Variants in DOCK8 observed in about 807,000 individuals in gnomAD.
The protein encoded by DOCK8 is dedicator of cytokinesis protein 8.
DOCK8 carries 141 observed loss-of-function variants against 245.6 expected under a neutral mutation model. The ratio of observed to expected loss-of-function variants is 0.57; its 90% CI spans 0.50 to 0.66. DOCK8 has a LOEUF of 0.66. Ranked by LOEUF, DOCK8 falls within the 30% of genes least tolerant of loss-of-function variation. The probability of loss-of-function intolerance (pLI) is 0.00; values close to 1 mark genes in which losing one functional copy is unlikely to be tolerated. For synonymous variants in DOCK8, 1,168 were observed against 970.2 expected (o/e 1.20, Z -3.79); for missense variants, 2,965 against 2,603.4 (o/e 1.14, Z -3.02).
intron 14 of DOCK8, among the ~76,000 whole-genome samples, chr9:349,798 T>C (rs1248496173): frequency 2.6e-5 from 4 of 152,188 alleles, no homozygotes. Context: ...ATGTACACAA[T>C]AGTCTCTGAA....
intron 1 of DOCK8, among the ~76,000 whole-genome samples, chr9:231,545 C>T (rs2047118095): frequency 6.6e-6 from 1 of 152,060 alleles, no homozygotes; most frequent in Non-Finnish European, 1.5e-5. Context: ...ATGGAATGTT[C>T]TTCCATTTGT....
intron 27 of DOCK8, 32 bp downstream of exon 27, chr9:405,105 AT>A: frequency 6.3e-7 from 1 of 1,589,282 alleles, no homozygotes; most frequent in Non-Finnish European, 8.6e-7. Flanking sequence ...TAAAAGAATT[AT>A]TCAAGCTATT....
intron 26 of DOCK8, among the ~76,000 whole-genome samples, chr9:399,648 C>G (rs1000506922): frequency 1.3e-5 from 2 of 152,000 alleles, no homozygotes; most frequent in African/African-American, 4.8e-5. Flanking sequence ...AATTAAATTG[C>G]TGTTGTGATG....
At chr9:249,731 C>T (rs1587662279) in intron 1 of DOCK8, among the ~76,000 whole-genome samples, 1 of 152,184 alleles carries the variant, frequency 6.6e-6, no homozygotes, top group East Asian at 1.9e-4. Context: ...GATTCTCCTG[C>T]CTCAGCCTGC....
At chr9:275,862 T>C (rs2048326271) in intron 2 of DOCK8, among the ~76,000 whole-genome samples, 2 of 150,170 alleles carry the variant, frequency 1.3e-5, no homozygotes, top group Admixed American at 1.3e-4. Context: ...GTGCTGGGAT[T>C]ACAGGCATGA....
chr9:386,475 A>T (rs1274874270), intron 23 of DOCK8, 49 bp downstream of exon 23: 1 of 1,525,416 alleles, frequency 6.6e-7, no homozygotes, highest in Non-Finnish European at 9.1e-7. Context: ...GAACAGAAGG[A>T]TTTCCTCATG....
intron 4 of DOCK8, among the ~76,000 whole-genome samples, chr9:291,306 C>T (rs1396020170): frequency 1.4e-5 from 2 of 147,204 alleles, no homozygotes; most frequent in Non-Finnish European, 2.9e-5. Context: ...AAAAAAATGA[C>T]TCTTTTTGGA....
intron 46 of DOCK8, among the ~76,000 whole-genome samples, chr9:458,776 C>T (rs764504923): frequency 6.6e-6 from 1 of 152,122 alleles, no homozygotes; most frequent in Non-Finnish European, 1.5e-5. Context: ...ATGCCACTGC[C>T]TTCCACCCTG....
chr9:276,129 G>A (rs930096944), intron 2 of DOCK8, among the ~76,000 whole-genome samples: 3 of 152,026 alleles, frequency 2.0e-5, no homozygotes, highest in South Asian at 2.1e-4. Flanking sequence ...GACCTCAGGT[G>A]ATCCGCCCGC....
Position 396,922 on chromosome 9 carries a change from A to G in DOCK8, c.3108A>G (p.Val1036=). The change falls in exon 25 of 48, where the codon GTA becomes GTG. Residue 1036 remains valine, a synonymous_variant. Coordinates refer to ENST00000432829, the MANE Select transcript of DOCK8 (RefSeq NM_203447.4). ...CCTCGGAAATTGCAGCCCTTTTAGTAAAACCACAGAAGGTAACTGTATTTT... is the reference window on the plus strand; with the variant it reads ...CCTCGGAAATTGCAGCCCTTTTAGTGAAACCACAGAAGGTAACTGTATTTT... ...VVTSEIAALL[V]KPQKENEQAE... The G allele has an allele frequency of 1.9e-6, 3 of 1,613,990 alleles. No individual in the cohort carries two copies.
intron 25 of DOCK8, among the ~76,000 whole-genome samples, 192 bp from the exon 26 acceptor site, chr9:398,954 C>A (rs114731187): frequency 6.6e-6 from 1 of 152,020 alleles, no homozygotes; most frequent in Non-Finnish European, 1.5e-5. Context: ...TAACAGTGCA[C>A]GAATAATTAC....
At chr9:400,226 C>T (rs1400757002) in intron 26 of DOCK8, among the ~76,000 whole-genome samples, 4 of 104,962 alleles carry the variant, frequency 3.8e-5, no homozygotes, top group Admixed American at 9.3e-5. Context: ...ATCACCACCA[C>T]CTCCACCATC....
Position 267,533 on chromosome 9 carries a change from T to TA in DOCK8, c.54-4093dup, listed in dbSNP as rs552293202. Among the ~76,000 whole-genome samples, 26 of 152,316 alleles carry TA rather than the reference T, an allele frequency of 1.7e-4. 1 individual carries two copies. In the South Asian group the frequency reaches 2.7e-3, roughly 16 times the overall value. On this transcript the variant is annotated intron_variant, in intron 1 of 47. Transcript: ENST00000432829. ...ATGGATTTTTTTAAAATTATGAACT[T>TA]ACATAACTTCACAGGAGACAGACCT...
Position 426,919 on chromosome 9 carries a change from A to C in DOCK8, c.4276A>C (p.Ser1426Arg). ...KAELDQEALI[S>R]GNLATEAHLI... is the part of the protein sequence containing the mutation. ...CGAGTTAGATCAAGAAGCCTTGATCAGTGGCAATCTGGCTACAGAAGCACA... is the reference window on the plus strand; with the variant it reads ...CGAGTTAGATCAAGAAGCCTTGATCCGTGGCAATCTGGCTACAGAAGCACA... Residue 1426 changes from serine (S) to arginine (R), a missense_variant, in exon 34 of 48, where the codon AGT becomes CGT. Ser to Arg is a moderately radical substitution (Grantham distance 110). Coordinates refer to ENST00000432829, the MANE Select transcript of DOCK8 (RefSeq NM_203447.4). 6.2e-7 allele frequency: 1 copy of C among 1,614,202 alleles called. No homozygotes were observed. Among genetic ancestry groups the C allele is most frequent in the South Asian group, 1.1e-5 (1 of 91,090 alleles).
intron 39 of DOCK8, among the ~76,000 whole-genome samples, chr9:436,183 C>T (rs546333130): frequency 6.6e-6 from 1 of 152,212 alleles, no homozygotes; most frequent in African/African-American, 2.4e-5. Flanking sequence ...AATAACTCCT[C>T]CTTTCTTATG....
chr9:368,001 T>C lies in DOCK8; in HGVS notation c.1680-17T>C, dbSNP rs1320654464. 1 of 1,585,914 alleles carries C rather than the reference T, an allele frequency of 6.3e-7. No individual in the cohort carries two copies. The highest frequency in any genetic ancestry group is 2.2e-5 in the East Asian group (1 of 44,748). On this transcript the variant is annotated splice_polypyrimidine_tract_variant and intron_variant, in intron 14 of 47. Transcript: ENST00000432829. ...CTCTAGACCTTTTTCATTGATTCTT[T>C]ATCTCTTCTTTTCCAGAAACCTTCT...
chr9:404,977 A>G lies in DOCK8; in HGVS notation c.3294A>G (p.Arg1098=). ...TLISMRLEFL[R]ILCSHEHYLN... ...TTTCCATGAGGCTAGAGTTCCTGAG[A>G]ATCCTCTGTAGCCATGAGCATTACC... Residue 1098 remains arginine (R), a synonymous_variant, in exon 27 of 48, where the codon AGA becomes AGG. Transcript: ENST00000432829. 1 of 1,614,092 alleles carries G rather than the reference A, an allele frequency of 6.2e-7. No individual in the cohort carries two copies. The highest frequency in any genetic ancestry group is 8.5e-7 in the Non-Finnish European group (1 of 1,179,994).
chr9:338,160 GAAA>G (rs58900019), intron 12 of DOCK8, among the ~76,000 whole-genome samples: 2 of 141,216 alleles, frequency 1.4e-5, no homozygotes, highest in Non-Finnish European at 3.1e-5. Flanking sequence ...TCTCAGAAAA[GAAA>G]AAAAAAAAGA....
At chr9:273,033 G>A (rs2048207533) in intron 2 of DOCK8, 1 of 985,150 alleles carries the variant, frequency 1.0e-6, no homozygotes, top group South Asian at 4.7e-5. Flanking sequence ...CTTCCGCTCA[G>A]TTTCCGGTAA....
Sources: gnomAD v4.1 joint callset for allele counts (sites outside exome capture counted in the v4.1 genomes callset) on GRCh38, gnomAD v4.1.1 for gene constraint, MANE v1.5 for transcripts, NCBI Gene and HGNC (gene_info 2026-07-23, HGNC 2026-07-21) for gene names.